AGBL1: variants seen among roughly 807,000 people sequenced by gnomAD.
The protein encoded by AGBL1 is AGBL carboxypeptidase 1, also known as cytosolic carboxypeptidase 4.
In AGBL1, 130 loss-of-function variants were observed where a neutral mutation model predicts 118.9. That is an observed-to-expected ratio of 1.09 (90% CI 0.95 to 1.26). AGBL1 has a LOEUF of 1.26. Ranked by LOEUF, AGBL1 falls within the 50% of genes most tolerant of loss-of-function variation. AGBL1 has a pLI of 0.00. For missense variants in AGBL1, 1,584 were observed against 1,298.1 expected (o/e 1.22, Z -3.38); for synonymous variants, 555 against 478.9 (o/e 1.16, Z -2.08).
At position 86,460,596 on chromosome 15, in the gene AGBL1, A is replaced by G. The variant is rs552588161; in HGVS notation, c.2556-62214A>G. 2.9e-3 allele frequency among the ~76,000 whole-genome samples: 442 copies of G among 152,304 alleles called. 2 individuals are homozygous for G. Among genetic ancestry groups the G allele is most frequent in the Non-Finnish European group, 4.5e-3 (306 of 68,022 alleles). On this transcript the variant is annotated intron_variant, in intron 18 of 22. Coordinates refer to ENST00000614907, the MANE Select transcript of AGBL1 (RefSeq NM_001386094.1). The stretch of plus-strand genomic sequence containing the variant: ...AGGTTCCCAGGTACCTCTCCTGGAG[A>G]CAGGGATTCAGAGGGCCTGAGACGA...
Position 86,095,646 on chromosome 15 carries a change from C to CTTTTTTTTTTTTTTTTTTTTTTTTTTT in AGBL1, c.51+15623_51+15624insTTTTTTTTTTTTTTTTTTTTTTTTTTT, listed in dbSNP as rs1896319963. The stretch of plus-strand genomic sequence containing the variant: ...TCATAATGTCACATGACCTTGGATA[C>CTTTTTTTTTTTTTTTTTTTTTTTTTTT]CTTTTTTTTTTTTTTTTTTTTTTTT... On this transcript the variant is annotated intron_variant, in intron 1 of 22. Coordinates refer to ENST00000614907, the MANE Select transcript of AGBL1 (RefSeq NM_001386094.1). 1.7e-4 allele frequency among the ~76,000 whole-genome samples: 20 copies of CTTTTTTTTTTTTTTTTTTTTTTTTTTT among 116,684 alleles called. 9 individuals carry two copies. The highest frequency in any genetic ancestry group is 2.9e-4 in the Admixed American group (3 of 10,488). 76.5% of individuals were successfully genotyped at this position (116,684 alleles called of 152,430 possible).
At chr15:87,003,480 T>A (rs867228143) in intron 24 of AGBL1, among the ~76,000 whole-genome samples, 1 of 152,216 alleles carries the variant, frequency 6.6e-6, no homozygotes, top group Non-Finnish European at 1.5e-5. Flanking sequence ...ATCGTGATGA[T>A]GCTGTCCTCA....
chr15:86,250,415 A>G (rs2078793114), intron 7 of AGBL1, among the ~76,000 whole-genome samples: 1 of 151,470 alleles, frequency 6.6e-6, no homozygotes, highest in Non-Finnish European at 1.5e-5. Context: ...AATCCCAGCT[A>G]CTCAGGAGGC....
At position 86,915,434 on chromosome 15, in the gene AGBL1, CT is replaced by C. The variant is rs2080407234; in HGVS notation, c.*8143del. 1 of 152,240 alleles carries C rather than the reference CT, an allele frequency of 6.6e-6. No homozygotes were observed. Among genetic ancestry groups the C allele is most frequent in the Non-Finnish European group, 1.5e-5 (1 of 68,078 alleles). The allele number at this position is 152,240 out of a possible 1,614,324, so 9.4% of individuals were successfully genotyped here. A position where few individuals can be genotyped will look rare whatever the true frequency, so the allele number is the denominator to read the frequency against. Reference sequence around the variant, plus strand: ...CCCCTGTTAAAGTCATAAAAACTTACTTTCAATTCTCAGAAAGCACCTTACT... The same window carrying C: ...CCCCTGTTAAAGTCATAAAAACTTACTTCAATTCTCAGAAAGCACCTTACT... On this transcript the variant is annotated 3_prime_UTR_variant, in exon 23 of 23. Transcript: ENST00000614907.
intron 22 of AGBL1, among the ~76,000 whole-genome samples, chr15:86,791,726 T>C (rs951315225): frequency 2.6e-5 from 2 of 77,028 alleles, no homozygotes; most frequent in African/African-American, 7.9e-5. Flanking sequence ...TTTCCTTGTT[T>C]TTTATATATA....
chr15:86,303,369 A>G (rs1297325003), intron 17 of AGBL1, among the ~76,000 whole-genome samples: 1 of 152,130 alleles, frequency 6.6e-6, no homozygotes, highest in Non-Finnish European at 1.5e-5. Context: ...CCTAAATTTA[A>G]GAGATGTGTC....
At chr15:86,817,319 C>T (rs1480782310) in intron 22 of AGBL1, among the ~76,000 whole-genome samples, 2 of 145,772 alleles carry the variant, frequency 1.4e-5, no homozygotes, top group Admixed American at 1.4e-4. Context: ...AACCACCAAA[C>T]TTAAGGCATG....
intron 18 of AGBL1, among the ~76,000 whole-genome samples, chr15:86,496,009 T>C (rs2082849810): frequency 6.6e-6 from 1 of 151,624 alleles, no homozygotes; most frequent in East Asian, 1.9e-4. Flanking sequence ...CTATTGAGTC[T>C]TTTTTTTAAA....
intron 5 of AGBL1, among the ~76,000 whole-genome samples, chr15:86,190,947 G>C (rs2077709532): frequency 6.6e-6 from 1 of 152,156 alleles, no homozygotes; most frequent in Non-Finnish European, 1.5e-5. Context: ...TTGCAGTGTA[G>C]AAGAATTTCA....
chr15:86,842,779 A>G (rs1205177855), intron 22 of AGBL1, among the ~76,000 whole-genome samples: 1 of 152,172 alleles, frequency 6.6e-6, no homozygotes, highest in Non-Finnish European at 1.5e-5. Flanking sequence ...TTTCTCTCCA[A>G]CTGGAAGCAG....
intron 18 of AGBL1, among the ~76,000 whole-genome samples, chr15:86,480,560 A>T (rs1037190115): frequency 6.6e-6 from 1 of 152,086 alleles, no homozygotes; most frequent in Non-Finnish European, 1.5e-5. Flanking sequence ...AGTTTATTTG[A>T]ATCTAGTACT....
At chr15:86,646,652 T>C (rs2085283780) in intron 21 of AGBL1, among the ~76,000 whole-genome samples, 1 of 152,268 alleles carries the variant, frequency 6.6e-6, no homozygotes, top group South Asian at 2.1e-4. Flanking sequence ...ATAACTTTTT[T>C]CCCACAGAAT....
At chr15:87,026,037 C>T (rs1183452306) in intron 24 of AGBL1, among the ~76,000 whole-genome samples, 1 of 151,906 alleles carries the variant, frequency 6.6e-6, no homozygotes, top group Non-Finnish European at 1.5e-5. Flanking sequence ...AAATATAAGA[C>T]CTGAAAATTA....
chr15:86,294,152 C>T (rs563810038), intron 16 of AGBL1, among the ~76,000 whole-genome samples: 1 of 152,160 alleles, frequency 6.6e-6, no homozygotes, highest in African/African-American at 2.4e-5. Context: ...AATCCCAGCA[C>T]TTTGGGAGGC....
At chr15:86,224,364 T>A (rs1202095101) in intron 5 of AGBL1, among the ~76,000 whole-genome samples, 1 of 152,146 alleles carries the variant, frequency 6.6e-6, no homozygotes, top group Non-Finnish European at 1.5e-5. Context: ...CAGAAAGGAA[T>A]GAATTTGGAA....
intron 19 of AGBL1, among the ~76,000 whole-genome samples, chr15:86,541,460 C>T (rs898067426): frequency 6.6e-6 from 1 of 151,958 alleles, no homozygotes; most frequent in African/African-American, 2.4e-5. Flanking sequence ...CGTATGGTGT[C>T]GCTTGCCTGT....
At chr15:86,980,137 CAG>C (rs2081215871) in intron 23 of AGBL1, among the ~76,000 whole-genome samples, 2 of 103,264 alleles carry the variant, frequency 1.9e-5, no homozygotes, top group South Asian at 5.3e-4. Flanking sequence ...CCTCCTAGAG[CAG>C]CAACTCAACT....
intron 18 of AGBL1, among the ~76,000 whole-genome samples, chr15:86,405,293 C>A (rs569352405): frequency 6.6e-6 from 1 of 151,864 alleles, no homozygotes; most frequent in Non-Finnish European, 1.5e-5. Flanking sequence ...AGGCAGATCA[C>A]GAGGTCAGGA....
At chr15:86,343,871 G>A (rs2080497642) in intron 17 of AGBL1, among the ~76,000 whole-genome samples, 1 of 152,212 alleles carries the variant, frequency 6.6e-6, no homozygotes, top group Non-Finnish European at 1.5e-5. Context: ...ATAGGGCTAT[G>A]AAATATGGCC....
Sources: allele counts gnomAD v4.1 joint callset (sites outside exome capture counted in the v4.1 genomes callset), GRCh38; gene constraint gnomAD v4.1.1; transcripts MANE v1.5; gene names NCBI Gene and HGNC (gene_info 2026-07-23, HGNC 2026-07-21).